Variants in MSH3 observed in about 807,000 individuals in gnomAD.
The protein encoded by MSH3 is mutS homolog 3, also known as DNA mismatch repair protein Msh3.
In MSH3, 106 loss-of-function variants were observed where a neutral mutation model predicts 123.3. That is an observed-to-expected ratio of 0.86 (90% CI 0.73 to 1.01). The LOEUF is 1.01. Among genes scored for constraint, MSH3 ranks in the 50% least tolerant of loss-of-function variants. The probability of loss-of-function intolerance (pLI) is 0.00; values close to 1 mark genes in which losing one functional copy is unlikely to be tolerated. For synonymous variants in MSH3, 515 were observed against 481.4 expected (o/e 1.07, Z -0.91); for missense variants, 1,459 against 1,347.6 (o/e 1.08, Z -1.29).
intron 2 of MSH3, among the ~76,000 whole-genome samples, chr5:80,664,155 G>C (rs1332636113): frequency 6.6e-6 from 1 of 152,142 alleles, no homozygotes. Context: ...TCTTGTTAGA[G>C]GAACACAGAG....
In MSH3 at chr5:80,840,909, C is replaced by CT. The variant is rs113260357; in HGVS notation, c.2814-13212dup. Reference sequence around the variant, plus strand: ...TTTTTTTTAAATTTTAAGAAATGCTCTTTTTTTTTAATATACTTTAAGTTC... The same window carrying CT: ...TTTTTTTTAAATTTTAAGAAATGCTCTTTTTTTTTTAATATACTTTAAGTTC... On this transcript the variant is annotated intron_variant, in intron 20 of 23. Coordinates refer to ENST00000265081, the MANE Select transcript of MSH3 (RefSeq NM_002439.5). Among the ~76,000 whole-genome samples the CT allele has an allele frequency of 6.1e-3, 843 of 138,022 alleles. 7 individuals carry two copies. The highest frequency in any genetic ancestry group is 0.021 in the South Asian group (90 of 4,314). The allele number at this position is 138,022 out of a possible 152,430, so 90.5% of individuals were successfully genotyped here.
chr5:80,657,651 GAA>G (rs72386143), intron 2 of MSH3, among the ~76,000 whole-genome samples: 5 of 145,630 alleles, frequency 3.4e-5, no homozygotes, highest in Admixed American at 6.8e-5. Flanking sequence ...AAGAGAATGA[GAA>G]AAAAAAAAAG....
intron 8 of MSH3, among the ~76,000 whole-genome samples, chr5:80,723,679 G>T (rs960364851): frequency 2.6e-5 from 4 of 152,094 alleles, no homozygotes; most frequent in Admixed American, 6.5e-5. Context: ...AAAATGAAAA[G>T]CATGAAATGA....
intron 13 of MSH3, among the ~76,000 whole-genome samples, 161 bp from the exon 14 acceptor site, chr5:80,767,770 ATT>A (rs1386052040): frequency 4.0e-4 from 61 of 152,264 alleles, no homozygotes; most frequent in Admixed American, 3.9e-3. Context: ...ATTACATAGT[ATT>A]TAACCTCATT....
chr5:80,730,689 T>C (rs1169846460), intron 10 of MSH3, among the ~76,000 whole-genome samples: 1 of 151,988 alleles, frequency 6.6e-6, no homozygotes, highest in East Asian at 1.9e-4. Flanking sequence ...GTTTGACTTG[T>C]TCATGATAGG....
intron 8 of MSH3, among the ~76,000 whole-genome samples, chr5:80,718,059 T>C (rs1182472437): frequency 6.6e-6 from 1 of 152,214 alleles, no homozygotes; most frequent in Non-Finnish European, 1.5e-5. Flanking sequence ...ATAATACAGA[T>C]ATAGAAGAAG....
At chr5:80,874,959 T>C (rs1318294498) in intron 23 of MSH3, among the ~76,000 whole-genome samples, 1 of 152,242 alleles carries the variant, frequency 6.6e-6, no homozygotes, top group African/African-American at 2.4e-5. Flanking sequence ...TAAAAGTGCT[T>C]ATCACATCAA....
chr5:80,754,583 G>A (rs1743891588), intron 12 of MSH3, among the ~76,000 whole-genome samples: 3 of 152,126 alleles, frequency 2.0e-5, no homozygotes, highest in African/African-American at 7.2e-5. Context: ...TAGAGCAAAT[G>A]AGTAATACCT....
rs773474817 is a variant in MSH3, at chr5:80,873,215, A to T, written c.3230A>T (p.Asp1077Val). Residue 1077 changes from aspartate to valine, a missense_variant, in exon 23 of 24, where the codon GAT becomes GTT. Transcript: ENST00000265081. ...GGATTAAATGTGGCTAAACTAGCAG[A>T]TGTTCCTGGAGAAATTTTGAAGAAA... ...SYGLNVAKLA[D>V]VPGEILKKAA... is the part of the protein sequence containing the mutation. 6.2e-7 allele frequency: 1 copy of T among 1,614,054 alleles called. No homozygotes were observed.
intron 20 of MSH3, among the ~76,000 whole-genome samples, chr5:80,838,122 GC>G (rs759518012): frequency 2.0e-5 from 3 of 152,158 alleles, no homozygotes; most frequent in Non-Finnish European, 4.4e-5. Context: ...CATCACCTTT[GC>G]CATAGTCTGA....
intron 10 of MSH3, among the ~76,000 whole-genome samples, chr5:80,732,513 A>G (rs1176657424): frequency 6.6e-6 from 1 of 152,186 alleles, no homozygotes; most frequent in Non-Finnish European, 1.5e-5. Flanking sequence ...TAAACATCCT[A>G]AAATGCACAG....
intron 8 of MSH3, among the ~76,000 whole-genome samples, chr5:80,684,920 T>A (rs536314399): frequency 6.6e-6 from 1 of 152,204 alleles, no homozygotes; most frequent in African/African-American, 2.4e-5. Context: ...ATGAAATGAT[T>A]ATGTGTTTTT....
chr5:80,693,490 C>T (rs906041747), intron 8 of MSH3, among the ~76,000 whole-genome samples: 20 of 148,728 alleles, frequency 1.3e-4, no homozygotes, highest in Admixed American at 1.2e-3. Flanking sequence ...TATAAATATG[C>T]ACATGTATAT....
rs151810 is a variant in MSH3 at position 80,728,789 on chromosome 5, A to G, written c.1454-62A>G. On this transcript the variant is annotated intron_variant, in intron 9 of 23. Transcript: ENST00000265081. The stretch of plus-strand genomic sequence containing the variant: ...ACAAGTTAATGGTTCTGTTTATTAC[A>G]TTTTTTAATTTGATTAATTTAAAAG... The G allele has an allele frequency of 9.9e-3, 9,057 of 911,588 alleles. 78 individuals carry two copies. Among genetic ancestry groups the G allele is most frequent in the Non-Finnish European group, 0.013 (7,544 of 568,368 alleles). The allele number at this position is 911,588 out of a possible 1,614,324, so 56.5% of individuals were successfully genotyped here.
chr5:80,816,965 T>G (rs955634812), intron 20 of MSH3, among the ~76,000 whole-genome samples: 5 of 152,204 alleles, frequency 3.3e-5, no homozygotes, highest in African/African-American at 1.2e-4. Flanking sequence ...AAAGTTTAGA[T>G]TTCAGACAGA....
Position 80,744,690 on chromosome 5 carries a change from G to A in MSH3, c.1763+75G>A, listed in dbSNP as rs6151751. ...AAATTAAAGGCATTTTAAAACCAAG[G>A]TTACCATTGTTTTTAAGAACACAGT... is the stretch of plus-strand genomic sequence containing the variant. On this transcript the variant is annotated intron_variant, in intron 12 of 23. Transcript: ENST00000265081. 1,167 of 1,038,886 alleles carry A rather than the reference G, an allele frequency of 1.1e-3. 20 individuals carry two copies. The African/African-American group carries it at 0.016, about 14-fold the overall frequency. The allele number at this position is 1,038,886 out of a possible 1,614,324, so 64.4% of individuals were successfully genotyped here.
intron 8 of MSH3, among the ~76,000 whole-genome samples, chr5:80,711,656 T>C (rs1750861724): frequency 6.6e-6 from 1 of 151,930 alleles, no homozygotes; most frequent in Non-Finnish European, 1.5e-5. Context: ...TTTTTTCTTC[T>C]TTTTTTTCTT....
At chr5:80,769,946 A>G (rs548912256) in intron 15 of MSH3, among the ~76,000 whole-genome samples, 1 of 152,278 alleles carries the variant, frequency 6.6e-6, no homozygotes, top group Admixed American at 6.5e-5. Flanking sequence ...GTGTTATTTC[A>G]TAGATTTACC....
At chr5:80,744,796 C>G (rs1580599625) in intron 12 of MSH3, among the ~76,000 whole-genome samples, 181 bp downstream of exon 12, 3 of 152,100 alleles carry the variant, frequency 2.0e-5, no homozygotes, top group Admixed American at 6.5e-5. Context: ...TCCTCATTCT[C>G]GTGAATGAGC....
Sources: gnomAD v4.1 joint callset for allele counts (sites outside exome capture counted in the v4.1 genomes callset) on GRCh38, gnomAD v4.1.1 for gene constraint, MANE v1.5 for transcripts, NCBI Gene and HGNC (gene_info 2026-07-23, HGNC 2026-07-21) for gene names.